JADE3: variants seen among roughly 807,000 people sequenced by gnomAD.
The protein encoded by JADE3 is protein Jade-3.
Under a neutral mutation model 50.1 loss-of-function variants are expected in JADE3, and 2 were observed. The observed-to-expected ratio is 0.04, with a 90% CI of 0.02 to 0.13. The LOEUF (loss-of-function observed/expected upper bound fraction) is 0.13. Ranked by LOEUF, JADE3 falls within the 10% of genes least tolerant of loss-of-function variation. JADE3 has a pLI of 1.00. For synonymous variants in JADE3, 218 were observed against 232.9 expected, an observed-to-expected ratio of 0.94 and a Z score of 0.58; for missense variants, 475 against 634.4, an observed-to-expected ratio of 0.75 and a Z score of 2.70.
At chrX:46,947,037 T>A (rs782349354) in intron 1 of JADE3, among the ~76,000 whole-genome samples, 6 of 111,698 alleles carry the variant, frequency 5.4e-5, no homozygotes, top group Non-Finnish European at 9.4e-5. Context: ...CTTTTCTCTT[T>A]GAGACGGAGT....
intron 8 of JADE3, among the ~76,000 whole-genome samples, chrX:47,051,796 C>CAAT (rs1929513172): frequency 3.9e-5 from 4 of 103,577 alleles, no homozygotes; most frequent in Non-Finnish European, 7.9e-5. Flanking sequence ...GACTCTGTCT[C>CAAT]CCAAAAAAAA....
At chrX:47,015,605 C>G (rs782743815) in intron 4 of JADE3, among the ~76,000 whole-genome samples, 31 of 107,336 alleles carry the variant, frequency 2.9e-4, no homozygotes, top group Non-Finnish European at 4.0e-4. Context: ...AGGAATTGAT[C>G]TAATGTAATA....
In JADE3 at chrX:47,027,886, G is replaced by A; in HGVS notation, c.476-6G>A. 3.3e-6 allele frequency: 4 copies of A among 1,201,804 alleles called. No individual in the cohort carries two copies. The highest frequency in any genetic ancestry group is 4.6e-4 in the Middle Eastern group (2 of 4,329). Reference sequence around the variant, plus strand: ...GGGTTGATTGATTGTTTGTATTTCTGTGCAGGTTGTGGGCCAGTTGATGAG... The same window carrying A: ...GGGTTGATTGATTGTTTGTATTTCTATGCAGGTTGTGGGCCAGTTGATGAG... On this transcript the variant is annotated splice_region_variant and splice_polypyrimidine_tract_variant and intron_variant, in intron 5 of 10. Coordinates refer to ENST00000614628, the MANE Select transcript of JADE3 (RefSeq NM_014735.5).
At chrX:46,972,268 T>A (rs1427429349) in intron 1 of JADE3, among the ~76,000 whole-genome samples, 2 of 110,489 alleles carry the variant, frequency 1.8e-5, no homozygotes, top group Non-Finnish European at 3.8e-5. Context: ...TGATCTTGGC[T>A]CACTGCGACC....
chrX:47,003,836 A>G (rs1260214115), intron 4 of JADE3, among the ~76,000 whole-genome samples: 2 of 101,571 alleles, frequency 2.0e-5, no homozygotes, highest in African/African-American at 7.0e-5. Context: ...ATTTATATAT[A>G]TTTATAAATT....
intron 4 of JADE3, among the ~76,000 whole-genome samples, chrX:47,003,795 A>G (rs1039751197): frequency 2.0e-5 from 2 of 100,971 alleles, no homozygotes; most frequent in African/African-American, 7.1e-5. Context: ...TGTTTTATAT[A>G]TAATTTTGGT....
chrX:46,923,993 C>G (rs186338729), intron 1 of JADE3, among the ~76,000 whole-genome samples: 8 of 111,843 alleles, frequency 7.2e-5, no homozygotes, highest in Non-Finnish European at 1.5e-4. Flanking sequence ...TGGACTGGAG[C>G]TTCTTTTTCT....
At chrX:46,917,885 CA>C (rs1556336906) in intron 1 of JADE3, among the ~76,000 whole-genome samples, 68 of 87,723 alleles carry the variant, frequency 7.8e-4, no homozygotes, top group African/African-American at 3.0e-3. Context: ...CTCTCTCTCT[CA>C]TCCTCTCTCT....
chrX:46,930,762 C>T (rs1407437979), intron 1 of JADE3, among the ~76,000 whole-genome samples: 2 of 111,477 alleles, frequency 1.8e-5, no homozygotes, highest in African/African-American at 3.3e-5. Context: ...CCATCACAGC[C>T]CTATGACAGA....
At chrX:47,001,013 G>C (rs1928271504) in intron 4 of JADE3, among the ~76,000 whole-genome samples, 1 of 111,640 alleles carries the variant, frequency 9.0e-6, no homozygotes, top group South Asian at 3.7e-4. Flanking sequence ...AATCTCTTCT[G>C]TTTCCCATAG....
intron 6 of JADE3, among the ~76,000 whole-genome samples, chrX:47,029,645 C>G (rs73630250): frequency 0.059 from 6,626 of 111,638 alleles, 473 homozygotes; most frequent in African/African-American, 0.2. Context: ...ACCTAACCAC[C>G]CTGTATGTAA....
intron 8 of JADE3, among the ~76,000 whole-genome samples, chrX:47,049,227 G>A (rs1173228393): frequency 8.2e-5 from 7 of 85,481 alleles, no homozygotes; most frequent in African/African-American, 1.4e-4. Context: ...TTGCTCTGTC[G>A]CCCAGGCTGG....
At chrX:47,038,906 G>A (rs782023795) in intron 7 of JADE3, 43 bp from the exon 8 acceptor site, 1 of 695,883 alleles carries the variant, frequency 1.4e-6, no homozygotes, top group East Asian at 3.3e-5. Context: ...GTACTTCTGG[G>A]ATGCCTTGGT....
intron 1 of JADE3, among the ~76,000 whole-genome samples, chrX:46,936,633 G>A (rs1260727896): frequency 3.6e-5 from 4 of 110,969 alleles, no homozygotes; most frequent in Admixed American, 9.6e-5. Context: ...TTTGAATTCA[G>A]TTTCCTTAGT....
chrX:47,013,766 G>A (rs189429482), intron 4 of JADE3, among the ~76,000 whole-genome samples: 13 of 112,377 alleles, frequency 1.2e-4, no homozygotes, highest in Admixed American at 1.0e-3. Context: ...TTGATGAGAA[G>A]AATGAACTGG....
chrX:46,931,009 A>G lies in JADE3; in HGVS notation c.-12+18290A>G, dbSNP rs1240265202. Among the ~76,000 whole-genome samples, 33 of 111,881 alleles carry G rather than the reference A, an allele frequency of 2.9e-4. No individual in the cohort carries two copies. The Admixed American group carries it at 3.1e-3, about 11-fold the overall frequency. On this transcript the variant is annotated intron_variant, in intron 1 of 10. Coordinates refer to ENST00000614628, the MANE Select transcript of JADE3 (RefSeq NM_014735.5). ...TATGAATGAGGAAAGGAAGGCCCAG[A>G]TAAGAAATAATAATAAATGGCTTAT...
intron 1 of JADE3, among the ~76,000 whole-genome samples, chrX:46,969,313 G>A (rs1327133028): frequency 8.9e-6 from 1 of 112,000 alleles, no homozygotes. Context: ...CTGCTCAGGA[G>A]GCTGAGGCAC....
rs1482509272 is a variant in JADE3, at chrX:46,957,775, C to T, written c.-11-27109C>T. Among the ~76,000 whole-genome samples, 5 of 112,149 alleles carry T rather than the reference C, an allele frequency of 4.5e-5. No individual in the cohort carries two copies. The East Asian group carries it at 8.3e-4, about 19-fold the overall frequency. Reference sequence around the variant, plus strand: ...AGTCTATCCTGATTGATTATAGACCCACTTCATTGTTTTTAACTGCTGCAA... The same window carrying T: ...AGTCTATCCTGATTGATTATAGACCTACTTCATTGTTTTTAACTGCTGCAA... On this transcript the variant is annotated intron_variant, in intron 1 of 10. Transcript: ENST00000614628.
chrX:46,956,157 C>T (rs1186935709), intron 1 of JADE3, among the ~76,000 whole-genome samples: 5 of 111,496 alleles, frequency 4.5e-5, no homozygotes, highest in East Asian at 2.8e-4. Context: ...CTCTGCCTCC[C>T]GGGTTCAAGT....
Sources: allele counts gnomAD v4.1 joint callset (sites outside exome capture counted in the v4.1 genomes callset), GRCh38; gene constraint gnomAD v4.1.1; transcripts MANE v1.5; gene names NCBI Gene and HGNC (gene_info 2026-07-23, HGNC 2026-07-21).